The following COL25A1 variants were observed in gnomAD, a reference collection of about 807,000 sequenced individuals.
COL25A1 encodes the protein collagen alpha-1(XXV) chain.
COL25A1 carries 103 observed loss-of-function variants against 128.4 expected under a neutral mutation model. The ratio of observed to expected loss-of-function variants is 0.80; its 90% CI spans 0.68 to 0.94. The LOEUF is 0.94. Ranked by LOEUF, COL25A1 falls within the 40% of genes least tolerant of loss-of-function variation. The pLI is 0.00. For synonymous variants in COL25A1, 279 were observed against 277.2 expected (o/e 1.01, Z -0.06); for missense variants, 745 against 840.0 (o/e 0.89, Z 1.40).
intron 5 of COL25A1, chr4:109,021,819 CG>C (rs1416990715): frequency 2.2e-5 from 10 of 449,068 alleles, no homozygotes; most frequent in African/African-American, 2.0e-4. Flanking sequence ...CTGTCCTATG[CG>C]GTTGAGATAA....
intron 8 of COL25A1, among the ~76,000 whole-genome samples, chr4:108,950,206 A>G (rs1238360205): frequency 6.6e-6 from 1 of 152,180 alleles, no homozygotes; most frequent in African/African-American, 2.4e-5. Context: ...CAACATTTCT[A>G]GCAATGAAAA....
intron 13 of COL25A1, among the ~76,000 whole-genome samples, chr4:108,905,858 G>T (rs1364164262): frequency 2.0e-5 from 3 of 149,420 alleles, no homozygotes; most frequent in Non-Finnish European, 4.5e-5. Context: ...GTCGGGGGGG[G>T]GTGCGGGGGG....
At chr4:109,078,123 T>TATTAATTA (rs1763539668) in intron 3 of COL25A1, among the ~76,000 whole-genome samples, 1 of 152,218 alleles carries the variant, frequency 6.6e-6, no homozygotes, top group Admixed American at 6.5e-5. Flanking sequence ...TGGGTTTCTC[T>TATTAATTA]ATTAAACTCT....
intron 3 of COL25A1, among the ~76,000 whole-genome samples, chr4:109,106,251 G>A (rs1054790537): frequency 6.6e-6 from 1 of 152,128 alleles, no homozygotes; most frequent in Non-Finnish European, 1.5e-5. Context: ...CCAGCCACAA[G>A]CACCATTTCT....
rs543700641 is a variant in COL25A1, at chr4:109,184,314, G to C, written c.367+116269C>G. 3.3e-5 allele frequency among the ~76,000 whole-genome samples: 5 copies of C among 152,284 alleles called. No individual in the cohort carries two copies. In the South Asian group the frequency reaches 8.3e-4, roughly 25 times the overall value. On this transcript the variant is annotated intron_variant, in intron 3 of 37. Transcript: ENST00000399132. ...TAGAGGATTCTGCTCTGGGAAGAGA[G>C]TAAGATGCATTAACACTCCATTAAT... is the stretch of plus-strand genomic sequence containing the variant.
chr4:109,026,123 C>T (rs1758250161), intron 5 of COL25A1, among the ~76,000 whole-genome samples: 1 of 151,736 alleles, frequency 6.6e-6, no homozygotes, highest in African/African-American at 2.4e-5. Flanking sequence ...CACACACACA[C>T]ACACACACAC....
At chr4:108,973,688 C>G (rs1455563068) in intron 8 of COL25A1, among the ~76,000 whole-genome samples, 2 of 152,112 alleles carry the variant, frequency 1.3e-5, no homozygotes, top group Non-Finnish European at 2.9e-5. Context: ...ATCATTGAAA[C>G]AGTATGTCTG....
intron 6 of COL25A1, among the ~76,000 whole-genome samples, chr4:108,984,011 C>T (rs938156210): frequency 8.5e-5 from 13 of 152,240 alleles, no homozygotes; most frequent in African/African-American, 2.4e-4. Context: ...ATTGGTAGAG[C>T]GGAGTGGTCT....
At chr4:109,145,003 T>C (rs1415087690) in intron 3 of COL25A1, among the ~76,000 whole-genome samples, 2 of 151,662 alleles carry the variant, frequency 1.3e-5, no homozygotes, top group African/African-American at 4.8e-5. Context: ...GTCTAACTCC[T>C]ATAAAATCCA....
In COL25A1 at chr4:108,891,914, A is replaced by G. The variant is rs553722726; in HGVS notation, c.907-2181T>C. Among the ~76,000 whole-genome samples the G allele has an allele frequency of 9.2e-5, 14 of 152,316 alleles. No individual in the cohort carries two copies. In the South Asian group the frequency reaches 2.5e-3, roughly 27 times the overall value. On this transcript the variant is annotated intron_variant, in intron 16 of 37. Transcript: ENST00000399132. ...TCATAAAAAGTGGATGGAAAGAAAA[A>G]GACAGTTTCTTGAAAGGCCAATATA...
At chr4:108,918,240 C>T (rs566590596) in intron 12 of COL25A1, 24 bp from the exon 13 acceptor site, 1 of 1,528,138 alleles carries the variant, frequency 6.5e-7, no homozygotes, top group Admixed American at 1.8e-5. Context: ...TGATTAAATT[C>T]AGTTGATATC....
At chr4:109,160,674 G>A (rs1472480819) in intron 3 of COL25A1, among the ~76,000 whole-genome samples, 5 of 152,140 alleles carry the variant, frequency 3.3e-5, no homozygotes, top group African/African-American at 1.2e-4. Flanking sequence ...CCTACAAACA[G>A]TCAGTGAGCC....
At chr4:108,981,040 A>C (rs570375266) in intron 6 of COL25A1, among the ~76,000 whole-genome samples, 1 of 152,320 alleles carries the variant, frequency 6.6e-6, no homozygotes, top group South Asian at 2.1e-4. Context: ...TGACACACAT[A>C]CTCAATCCCC....
rs1325125905 is a variant in COL25A1, at chr4:109,250,800, C to T, written c.367+49783G>A. Among the ~76,000 whole-genome samples, 6 of 152,258 alleles carry T rather than the reference C, an allele frequency of 3.9e-5. No individual in the cohort carries two copies. In the South Asian group the frequency reaches 8.3e-4, roughly 21 times the overall value. ...AATAATATTTAACCAAGTATCTGGG[C>T]ACTCTGTAGATCAGTCAGGTTGACA... On this transcript the variant is annotated intron_variant, in intron 3 of 37. Transcript: ENST00000399132.
intron 6 of COL25A1, among the ~76,000 whole-genome samples, chr4:109,005,271 A>T (rs750435103): frequency 2.0e-5 from 3 of 152,136 alleles, no homozygotes. Context: ...ATCTTATGAG[A>T]ACTAGTCAGA....
At chr4:108,822,465 A>T (rs1731895317) in intron 35 of COL25A1, among the ~76,000 whole-genome samples, 1 of 152,118 alleles carries the variant, frequency 6.6e-6, no homozygotes, top group African/African-American at 2.4e-5. Flanking sequence ...CACCCAGGCT[A>T]AAGTACAGTG....
In COL25A1 at chr4:108,941,442, T is replaced by A. The variant is rs1297856576; in HGVS notation, c.493-5A>T. ...ATTGATTTTAGGAAACACCATCTGATCAGTCAGTTGAGGTCAAAGGTTGAA... is the reference window on the plus strand; with the variant it reads ...ATTGATTTTAGGAAACACCATCTGAACAGTCAGTTGAGGTCAAAGGTTGAA... On this transcript the variant is annotated splice_polypyrimidine_tract_variant and splice_region_variant and intron_variant, in intron 8 of 37. Transcript: ENST00000399132. 6.2e-7 allele frequency: 1 copy of A among 1,613,176 alleles called. No individual in the cohort carries two copies.
chr4:109,297,570 G>T (rs1725088516), intron 3 of COL25A1, among the ~76,000 whole-genome samples: 1 of 99,132 alleles, frequency 1.0e-5, no homozygotes, highest in Non-Finnish European at 1.8e-5. Flanking sequence ...ATACTGACTA[G>T]TATGATTATC....
chr4:109,066,746 T>A (rs780655166), intron 3 of COL25A1, among the ~76,000 whole-genome samples: 3 of 152,106 alleles, frequency 2.0e-5, no homozygotes, highest in Non-Finnish European at 4.4e-5. Flanking sequence ...CACTGCAGCC[T>A]CAAAATCCTG....
Sources: gnomAD v4.1 joint callset for allele counts (sites outside exome capture counted in the v4.1 genomes callset) on GRCh38, gnomAD v4.1.1 for gene constraint, MANE v1.5 for transcripts, NCBI Gene and HGNC (gene_info 2026-07-23, HGNC 2026-07-21) for gene names.